The following NLK variants were observed in gnomAD, a reference collection of about 807,000 sequenced individuals.
NLK encodes nemo like kinase.
A neutral mutation model predicts 59.0 loss-of-function variants in NLK; 11 were observed. The ratio of observed to expected loss-of-function variants is 0.19; its 90% CI spans 0.12 to 0.31. The LOEUF is 0.31. NLK is among the 10% of genes least tolerant of loss of function. NLK has a pLI of 1.00. For missense variants in NLK, 410 were observed against 661.1 expected, an observed-to-expected ratio of 0.62 and a Z score of 4.16; for synonymous variants, 235 against 235.9, an observed-to-expected ratio of 1.00 and a Z score of 0.03.
At position 28,192,071 on chromosome 17, in the gene NLK, C is replaced by G. The variant is rs754570971; in HGVS notation, c.1436-49C>G. The G allele has an allele frequency of 2.1e-5, 23 of 1,111,764 alleles. 1 individual carries two copies. In the South Asian group the frequency reaches 3.1e-4, roughly 15 times the overall value. The allele number at this position is 1,111,764 out of a possible 1,614,324, so 68.9% of individuals were successfully genotyped here. A position where few individuals can be genotyped will look rare whatever the true frequency, so the allele number is the denominator to read the frequency against. On this transcript the variant is annotated intron_variant, in intron 9 of 10. Coordinates refer to ENST00000407008, the MANE Select transcript of NLK (RefSeq NM_016231.5). ...AGAGTTCGCTGAGAATTCACTGCTCCCGGGCTTGCAAATTGTCATGGATTG... is the reference window on the plus strand; with the variant it reads ...AGAGTTCGCTGAGAATTCACTGCTCGCGGGCTTGCAAATTGTCATGGATTG...
chr17:28,194,022 A>C (rs1909401125), intron 10 of NLK, among the ~76,000 whole-genome samples: 1 of 152,228 alleles, frequency 6.6e-6, no homozygotes, highest in Non-Finnish European at 1.5e-5. Flanking sequence ...TAACAGATCT[A>C]GATCACCAAT....
At chr17:28,133,619 A>G (rs1025042409) in intron 3 of NLK, among the ~76,000 whole-genome samples, 1 of 152,214 alleles carries the variant, frequency 6.6e-6, no homozygotes, top group African/African-American at 2.4e-5. Context: ...ATTCCTGGGC[A>G]AAGTGTCACC....
intron 4 of NLK, among the ~76,000 whole-genome samples, chr17:28,162,634 C>G (rs1480642944): frequency 6.6e-6 from 1 of 151,878 alleles, no homozygotes; most frequent in Non-Finnish European, 1.5e-5. Context: ...GAGACTCCGT[C>G]TCAAAAAAAA....
At chr17:28,112,030 G>A (rs1423207480) in intron 1 of NLK, among the ~76,000 whole-genome samples, 2 of 151,500 alleles carry the variant, frequency 1.3e-5, no homozygotes, top group East Asian at 3.9e-4. Flanking sequence ...CATGCAGGAA[G>A]CCTCTCAGTC....
downstream of NLK, among the ~76,000 whole-genome samples, chr17:28,196,875 C>A (rs1567744812): frequency 6.6e-6 from 1 of 152,192 alleles, no homozygotes; most frequent in African/African-American, 2.4e-5. Flanking sequence ...CTTCAAAATA[C>A]TTTCCCTGAG....
chr17:28,086,342 A>G (rs755521193), intron 1 of NLK, among the ~76,000 whole-genome samples: 26 of 152,164 alleles, frequency 1.7e-4, no homozygotes, highest in Non-Finnish European at 3.4e-4. Flanking sequence ...AGAATTGAAT[A>G]ATATGGGCAT....
chr17:28,090,283 C>T (rs572949833), intron 1 of NLK, among the ~76,000 whole-genome samples: 2 of 152,332 alleles, frequency 1.3e-5, no homozygotes, highest in South Asian at 4.1e-4. Flanking sequence ...TTCACTCTTA[C>T]ATATGTTTTA....
chr17:28,194,510 C>A, intron 10 of NLK, 72 bp from the exon 11 acceptor site: 2 of 1,068,748 alleles, frequency 1.9e-6, no homozygotes, highest in South Asian at 3.2e-5. Flanking sequence ...GAGAGGAAAA[C>A]AGGAAGTAGT....
chr17:28,114,808 T>TA (rs1341602560), intron 1 of NLK, among the ~76,000 whole-genome samples: 2 of 152,174 alleles, frequency 1.3e-5, no homozygotes, highest in Non-Finnish European at 2.9e-5. Flanking sequence ...ATTGAAAAGA[T>TA]ATTGTATCTG....
chr17:28,081,147 C>T (rs1910331350), intron 1 of NLK, among the ~76,000 whole-genome samples: 1 of 151,754 alleles, frequency 6.6e-6, no homozygotes, highest in Non-Finnish European at 1.5e-5. Flanking sequence ...GCCTCAGGCT[C>T]CCAAAGTGCT....
intron 1 of NLK, among the ~76,000 whole-genome samples, chr17:28,111,901 GT>G (rs1181078131): frequency 0.014 from 1,276 of 88,014 alleles, 5 homozygotes; most frequent in Middle Eastern, 0.025. Flanking sequence ...TGTGTGGTGT[GT>G]GTGTGTGTGT....
chr17:28,055,089 T>G (rs894066465), intron 1 of NLK, among the ~76,000 whole-genome samples: 2 of 151,158 alleles, frequency 1.3e-5, no homozygotes, highest in African/African-American at 4.9e-5. Flanking sequence ...GTGGGGATTT[T>G]TTTTTCTTTT....
At chr17:28,057,702 A>C (rs978546051) in intron 1 of NLK, among the ~76,000 whole-genome samples, 5 of 152,152 alleles carry the variant, frequency 3.3e-5, no homozygotes, top group African/African-American at 1.2e-4. Flanking sequence ...GCTTTTTTTA[A>C]AGTAAATTAC....
In NLK at chr17:28,162,549, A is replaced by T. The variant is rs1908051495; in HGVS notation, c.752-994A>T. On this transcript the variant is annotated intron_variant, in intron 4 of 10. Transcript: ENST00000407008. ...CTACTTGGGAGGCTGAGGCAGGAGA[A>T]TCGAGTGAACCCAGGAGGTGGAGGC... Among the ~76,000 whole-genome samples the T allele has an allele frequency of 2.0e-5, 3 of 152,116 alleles. No individual in the cohort carries two copies. The South Asian group carries it at 6.2e-4, about 32-fold the overall frequency.
chr17:28,151,430 G>T (rs956595328), intron 3 of NLK, among the ~76,000 whole-genome samples: 1 of 152,136 alleles, frequency 6.6e-6, no homozygotes, highest in African/African-American at 2.4e-5. Context: ...GAAAAAAACT[G>T]CATTATTCAT....
At chr17:28,103,226 A>G (rs1404430021) in intron 1 of NLK, among the ~76,000 whole-genome samples, 1 of 152,234 alleles carries the variant, frequency 6.6e-6, no homozygotes, top group Non-Finnish European at 1.5e-5. Context: ...AGTAACAAGA[A>G]TGAGTCCTGT....
chr17:28,056,458 G>A (rs1192227325), intron 1 of NLK, among the ~76,000 whole-genome samples: 1 of 152,104 alleles, frequency 6.6e-6, no homozygotes, highest in Non-Finnish European at 1.5e-5. Context: ...CCAACTAAAT[G>A]CCTATTGAAA....
At chr17:28,148,245 C>T (rs745621135) in intron 3 of NLK, among the ~76,000 whole-genome samples, 11 of 151,576 alleles carry the variant, frequency 7.3e-5, no homozygotes, top group African/African-American at 2.7e-4. Flanking sequence ...CCTGCCCCCA[C>T]CCCCCCACAA....
intron 1 of NLK, among the ~76,000 whole-genome samples, chr17:28,079,611 A>G (rs1271323333): frequency 1.3e-5 from 2 of 152,062 alleles, no homozygotes; most frequent in Admixed American, 6.6e-5. Context: ...ATGATTAGTG[A>G]GGTTGAGCAT....
Sources: gnomAD v4.1 joint callset for allele counts (sites outside exome capture counted in the v4.1 genomes callset) on GRCh38, gnomAD v4.1.1 for gene constraint, MANE v1.5 for transcripts, NCBI Gene and HGNC (gene_info 2026-07-23, HGNC 2026-07-21) for gene names.